Variants in KIF16B observed in about 807,000 individuals in gnomAD.
KIF16B encodes kinesin-like protein KIF16B.
A neutral mutation model predicts 156.3 loss-of-function variants in KIF16B; 98 were observed. That is an observed-to-expected ratio of 0.63 (90% CI 0.53 to 0.74). The LOEUF (loss-of-function observed/expected upper bound fraction) is 0.74, where lower values mean the gene tolerates loss of function less well. Among genes scored for constraint, KIF16B ranks in the 30% least tolerant of loss-of-function variants. The pLI is 0.00. For missense variants in KIF16B, 1,421 were observed against 1,606.5 expected, an observed-to-expected ratio of 0.88 and a Z score of 1.97; for synonymous variants, 564 against 583.7, an observed-to-expected ratio of 0.97 and a Z score of 0.49.
At chr20:16,374,435 C>G (rs1465989709) in intron 19 of KIF16B, 26 bp from the exon 20 acceptor site, 1 of 1,490,712 alleles carries the variant, frequency 6.7e-7, no homozygotes, top group African/African-American at 1.4e-5. Flanking sequence ...CCACATAATT[C>G]ATTCATTAAT....
In KIF16B at chr20:16,380,057, G is replaced by A. The variant is rs770367257; in HGVS notation, c.1945C>T (p.Leu649Phe). ...TQRKETEIVQ[L>F]QIRKQEESLK... ...CTCTCCTCCTGCTTGCGAATCTGGA[G>A]CTGCACGATTTCTGTCTCCTTGCGC... is the stretch of plus-strand genomic sequence containing the variant. The change falls in exon 19 of 26, where the codon CTC becomes TTC. Residue 649 changes from leucine to phenylalanine, a missense_variant. Leu to Phe is a conservative substitution (Grantham distance 22, BLOSUM62 0). Coordinates refer to ENST00000354981, the MANE Select transcript of KIF16B (RefSeq NM_024704.5). The A allele has an allele frequency of 4.5e-6, 7 of 1,563,442 alleles. No homozygotes were observed. In the Admixed American group the frequency reaches 1.4e-4, roughly 31 times the overall value.
At chr20:16,493,089 C>T (rs1395142373) in intron 12 of KIF16B, among the ~76,000 whole-genome samples, 27 of 152,148 alleles carry the variant, frequency 1.8e-4, no homozygotes, top group Admixed American at 1.8e-3. Context: ...AGAAGTACCT[C>T]AAAATAATAT....
intron 12 of KIF16B, among the ~76,000 whole-genome samples, chr20:16,459,884 C>A (rs893202985): frequency 1.3e-5 from 2 of 152,170 alleles, no homozygotes; most frequent in African/African-American, 4.8e-5. Flanking sequence ...AGGACTTGCT[C>A]TGTTTTAGTA....
intron 10 of KIF16B, among the ~76,000 whole-genome samples, chr20:16,499,140 C>A (rs374929965): frequency 1.2e-4 from 19 of 152,092 alleles, no homozygotes; most frequent in Non-Finnish European, 2.8e-4. Flanking sequence ...TTCACATAGG[C>A]GTCTGTGGGA....
intron 1 of KIF16B, among the ~76,000 whole-genome samples, chr20:16,550,380 A>C (rs2070594202): frequency 6.6e-6 from 1 of 152,214 alleles, no homozygotes; most frequent in South Asian, 2.1e-4. Context: ...AGAAATAGGA[A>C]CACTATTACA....
At chr20:16,489,450 A>C (rs2068220441) in intron 12 of KIF16B, among the ~76,000 whole-genome samples, 1 of 152,142 alleles carries the variant, frequency 6.6e-6, no homozygotes, top group Admixed American at 6.5e-5. Flanking sequence ...TCACCCCAGC[A>C]CTTTGGGAGG....
intron 12 of KIF16B, among the ~76,000 whole-genome samples, chr20:16,458,537 C>T (rs78080909): frequency 0.011 from 1,658 of 151,886 alleles, 35 homozygotes; most frequent in African/African-American, 0.037. Context: ...CATTTTTTTT[C>T]GGAAAACTCT....
At chr20:16,542,103 A>G (rs1045379191) in intron 1 of KIF16B, among the ~76,000 whole-genome samples, 35 of 152,192 alleles carry the variant, frequency 2.3e-4, no homozygotes, top group African/African-American at 8.4e-4. Context: ...CAGCAGAGGC[A>G]GAGAGGCCTG....
chr20:16,466,042 A>G (rs993492042), intron 12 of KIF16B, among the ~76,000 whole-genome samples: 1 of 152,262 alleles, frequency 6.6e-6, no homozygotes, highest in African/African-American at 2.4e-5. Flanking sequence ...GGACAGGAAA[A>G]TAAGTTCACA....
intron 1 of KIF16B, among the ~76,000 whole-genome samples, chr20:16,567,576 CATT>C (rs979182783): frequency 1.3e-5 from 2 of 152,188 alleles, no homozygotes; most frequent in Non-Finnish European, 2.9e-5. Context: ...CTCAACCCAG[CATT>C]ATTATCTGAG....
At chr20:16,388,649 T>C (rs2065283460) in intron 17 of KIF16B, among the ~76,000 whole-genome samples, 1 of 152,002 alleles carries the variant, frequency 6.6e-6, no homozygotes, top group Admixed American at 6.6e-5. Context: ...AAATCAGAGA[T>C]AGCCTTTTCT....
chr20:16,384,587 G>C (rs2065183124), intron 17 of KIF16B, among the ~76,000 whole-genome samples: 1 of 152,106 alleles, frequency 6.6e-6, no homozygotes, highest in African/African-American at 2.4e-5. Flanking sequence ...AATGTCTTGG[G>C]CCAGGGCTGT....
At chr20:16,559,107 AT>A (rs1253118943) in intron 1 of KIF16B, among the ~76,000 whole-genome samples, 6 of 152,066 alleles carry the variant, frequency 3.9e-5, no homozygotes, top group Admixed American at 3.3e-4. Flanking sequence ...CCCTTGTACT[AT>A]ATATTTAACT....
At chr20:16,452,036 GA>G (rs1462593714) in intron 12 of KIF16B, among the ~76,000 whole-genome samples, 1 of 152,110 alleles carries the variant, frequency 6.6e-6, no homozygotes, top group Non-Finnish European at 1.5e-5. Context: ...GATGGCATGG[GA>G]GGGGGGCACC....
chr20:16,356,267 G>C, intron 23 of KIF16B, 63 bp downstream of exon 23: 1 of 1,594,824 alleles, frequency 6.3e-7, no homozygotes, highest in East Asian at 2.2e-5. Flanking sequence ...AAAAAATAAA[G>C]ACAGATAAAG....
intron 1 of KIF16B, among the ~76,000 whole-genome samples, chr20:16,530,709 G>C (rs1455596533): frequency 6.6e-6 from 1 of 151,808 alleles, no homozygotes; most frequent in Admixed American, 6.6e-5. Context: ...GTTGTTGTTT[G>C]GTTTTTTTTG....
At chr20:16,382,611 A>G (rs982226916) in intron 17 of KIF16B, among the ~76,000 whole-genome samples, 2 of 152,216 alleles carry the variant, frequency 1.3e-5, no homozygotes, top group Non-Finnish European at 2.9e-5. Context: ...AAATAATAAC[A>G]CAAGCTGATT....
intron 12 of KIF16B, among the ~76,000 whole-genome samples, chr20:16,467,355 C>T (rs562830722): frequency 6.6e-6 from 1 of 152,268 alleles, no homozygotes; most frequent in Non-Finnish European, 1.5e-5. Flanking sequence ...TCCTCTTACC[C>T]AGTACATCAT....
At chr20:16,278,457 A>G (rs1370712772) in intron 25 of KIF16B, among the ~76,000 whole-genome samples, 1 of 152,196 alleles carries the variant, frequency 6.6e-6, no homozygotes, top group Non-Finnish European at 1.5e-5. Flanking sequence ...CTTTCAGAAA[A>G]TCAAATTTAG....
Sources: gnomAD v4.1 joint callset for allele counts (sites outside exome capture counted in the v4.1 genomes callset) on GRCh38, gnomAD v4.1.1 for gene constraint, MANE v1.5 for transcripts, NCBI Gene and HGNC (gene_info 2026-07-23, HGNC 2026-07-21) for gene names.